Variants in SLC4A10 observed in about 807,000 individuals in gnomAD.
SLC4A10 encodes the protein sodium-driven chloride bicarbonate exchanger.
SLC4A10 carries 42 observed loss-of-function variants against 137.7 expected under a neutral mutation model. That is an observed-to-expected ratio of 0.30 (90% confidence interval 0.24 to 0.39). SLC4A10 has a LOEUF of 0.39. Among genes scored for constraint, SLC4A10 ranks in the 10% least tolerant of loss-of-function variants. The probability of loss-of-function intolerance (pLI) is 1.00; values close to 1 mark genes in which losing one functional copy is unlikely to be tolerated. For missense variants in SLC4A10, 925 were observed against 1,355.0 expected, an observed-to-expected ratio of 0.68 and a Z score of 4.98; for synonymous variants, 474 against 464.1, an observed-to-expected ratio of 1.02 and a Z score of -0.27.
chr2:161,808,657 A>G (rs2056245663), intron 3 of SLC4A10, among the ~76,000 whole-genome samples: 1 of 152,174 alleles, frequency 6.6e-6, no homozygotes, highest in Admixed American at 6.6e-5. Context: ...TATGAGTGAG[A>G]ACATGCAGTA....
chr2:161,729,619 T>G (rs2046625323), intron 1 of SLC4A10, among the ~76,000 whole-genome samples: 1 of 151,978 alleles, frequency 6.6e-6, no homozygotes, highest in Non-Finnish European at 1.5e-5. Flanking sequence ...TAAAGCGAAT[T>G]TTTTTTTCAC....
intron 5 of SLC4A10, among the ~76,000 whole-genome samples, chr2:161,860,680 A>G (rs1055984395): frequency 6.6e-6 from 1 of 152,198 alleles, no homozygotes; most frequent in Non-Finnish European, 1.5e-5. Flanking sequence ...ATATTATTCT[A>G]TAGTATCACA....
chr2:161,850,952 A>C (rs906898937), intron 4 of SLC4A10, among the ~76,000 whole-genome samples: 2 of 152,016 alleles, frequency 1.3e-5, no homozygotes, highest in East Asian at 3.9e-4. Flanking sequence ...CGGTTTCTAC[A>C]GTTACTTCAT....
At chr2:161,948,246 A>G (rs1694174799) in intron 17 of SLC4A10, among the ~76,000 whole-genome samples, 1 of 152,086 alleles carries the variant, frequency 6.6e-6, no homozygotes, top group Non-Finnish European at 1.5e-5. Flanking sequence ...AACACCTATA[A>G]TGTCTGATTC....
intron 4 of SLC4A10, among the ~76,000 whole-genome samples, chr2:161,844,088 C>T (rs1351053605): frequency 6.6e-6 from 1 of 152,120 alleles, no homozygotes; most frequent in African/African-American, 2.4e-5. Flanking sequence ...AAAGCTACCA[C>T]AGCTGTGCAG....
intron 6 of SLC4A10, among the ~76,000 whole-genome samples, chr2:161,864,417 G>GT (rs1486203491): frequency 6.6e-6 from 1 of 152,070 alleles, no homozygotes; most frequent in Non-Finnish European, 1.5e-5. Context: ...ATATTAATCA[G>GT]TTTTCATGCT....
chr2:161,686,748 G>T (rs946527205), intron 1 of SLC4A10, among the ~76,000 whole-genome samples: 3 of 152,086 alleles, frequency 2.0e-5, no homozygotes, highest in Non-Finnish European at 4.4e-5. Context: ...TTTTTTAATT[G>T]TTTATTTATT....
chr2:161,773,723 T>G (rs1288159233), intron 2 of SLC4A10, among the ~76,000 whole-genome samples: 1 of 151,888 alleles, frequency 6.6e-6, no homozygotes, highest in African/African-American at 2.4e-5. Context: ...AACAACAGGT[T>G]GGTATATTAG....
intron 1 of SLC4A10, among the ~76,000 whole-genome samples, chr2:161,734,733 C>T (rs1490072281): frequency 6.6e-6 from 1 of 150,736 alleles, no homozygotes; most frequent in African/African-American, 2.5e-5. Flanking sequence ...TCTTTATATA[C>T]TCTGTATATA....
intron 19 of SLC4A10, among the ~76,000 whole-genome samples, chr2:161,953,506 G>T (rs953305650): frequency 6.6e-6 from 1 of 152,056 alleles, no homozygotes; most frequent in Non-Finnish European, 1.5e-5. Context: ...TACTCAGGAG[G>T]CTGAGGCAGG....
chr2:161,759,043 G>T (rs1393666637), intron 1 of SLC4A10, among the ~76,000 whole-genome samples: 2 of 151,622 alleles, frequency 1.3e-5, no homozygotes, highest in South Asian at 2.1e-4. Flanking sequence ...CAATTTATTG[G>T]CTCAGCATTT....
At chr2:161,690,041 A>G (rs1353189947) in intron 1 of SLC4A10, among the ~76,000 whole-genome samples, 1 of 152,200 alleles carries the variant, frequency 6.6e-6, no homozygotes, top group African/African-American at 2.4e-5. Flanking sequence ...AAAGTTTTGC[A>G]ATCTATTCAT....
intron 17 of SLC4A10, among the ~76,000 whole-genome samples, chr2:161,948,723 C>A (rs1694278365): frequency 6.6e-6 from 1 of 151,994 alleles, no homozygotes; most frequent in Admixed American, 6.6e-5. Flanking sequence ...TTGATAAGAA[C>A]AGATAATTTT....
intron 15 of SLC4A10, among the ~76,000 whole-genome samples, chr2:161,920,671 C>A (rs1687965985): frequency 6.6e-6 from 1 of 152,186 alleles, no homozygotes; most frequent in East Asian, 1.9e-4. Flanking sequence ...ATGAGCTAAT[C>A]TGGGGGAGGT....
At chr2:161,971,056 A>G (rs1202393838) in intron 23 of SLC4A10, among the ~76,000 whole-genome samples, 1 of 152,204 alleles carries the variant, frequency 6.6e-6, no homozygotes, top group Non-Finnish European at 1.5e-5. Context: ...ACTTTTCATA[A>G]TGATCACTTA....
At chr2:161,650,231 A>G (rs1255943645) in intron 1 of SLC4A10, among the ~76,000 whole-genome samples, 4 of 152,158 alleles carry the variant, frequency 2.6e-5, no homozygotes, top group Non-Finnish European at 5.9e-5. Flanking sequence ...ATGTTCCTTG[A>G]TTCGGACTTG....
At chr2:161,756,715 G>T (rs983928889) in intron 1 of SLC4A10, among the ~76,000 whole-genome samples, 2 of 151,920 alleles carry the variant, frequency 1.3e-5, no homozygotes, top group Non-Finnish European at 2.9e-5. Context: ...ATACCTCTTG[G>T]GTCATCACTA....
chr2:161,820,239 G>A (rs530769204), intron 3 of SLC4A10, among the ~76,000 whole-genome samples: 39 of 152,226 alleles, frequency 2.6e-4, no homozygotes, highest in Admixed American at 2.5e-3. Flanking sequence ...ATTTTTTGAT[G>A]GACAGTGGCT....
intron 3 of SLC4A10, among the ~76,000 whole-genome samples, chr2:161,821,406 T>C (rs1398287994): frequency 6.6e-6 from 1 of 152,214 alleles, no homozygotes; most frequent in East Asian, 1.9e-4. Context: ...ATTTCACTGC[T>C]CTATGGTTTC....
Sources: allele counts gnomAD v4.1 joint callset (sites outside exome capture counted in the v4.1 genomes callset), GRCh38; gene constraint gnomAD v4.1.1; transcripts MANE v1.5; gene names NCBI Gene and HGNC (gene_info 2026-07-23, HGNC 2026-07-21).